MTR: variants seen among roughly 807,000 people sequenced by gnomAD.
MTR encodes the protein methionine synthase.
In MTR, 84 loss-of-function variants were observed where a neutral mutation model predicts 154.8. That is an observed-to-expected ratio of 0.54 (90% CI 0.45 to 0.65). The LOEUF (loss-of-function observed/expected upper bound fraction) is 0.65, where lower values mean the gene tolerates loss of function less well. MTR is among the 30% of genes least tolerant of loss of function. The pLI is 0.00. For synonymous variants in MTR, 554 were observed against 553.9 expected (o/e 1.00, Z 0.00); for missense variants, 1,275 against 1,570.2 (o/e 0.81, Z 3.18).
chr1:236,849,561 G>A (rs908847165), intron 15 of MTR, among the ~76,000 whole-genome samples: 9 of 152,122 alleles, frequency 5.9e-5, no homozygotes, highest in Non-Finnish European at 8.8e-5. Flanking sequence ...GAAAGTTGCT[G>A]AGGGAGGAAC....
At position 236,901,690 on chromosome 1, in the gene MTR, C is replaced by T. The variant is rs1051021042; in HGVS notation, c.*4046C>T. 2 of 152,226 alleles carry T rather than the reference C, an allele frequency of 1.3e-5. No individual in the cohort carries two copies. The highest frequency in any genetic ancestry group is 2.9e-5 in the Non-Finnish European group (2 of 68,110). The allele number at this position is 152,226 out of a possible 1,614,324, so 9.4% of individuals were successfully genotyped here. On this transcript the variant is annotated 3_prime_UTR_variant, in exon 33 of 33. Coordinates refer to ENST00000366577, the MANE Select transcript of MTR (RefSeq NM_000254.3). ...GGGCCCTCTTCTGGGATGCAGCGGC[C>T]AGCTTCTCATGTTCTCACAGTGGGT...
At chr1:236,854,950 G>A (rs1272508864) in intron 18 of MTR, among the ~76,000 whole-genome samples, 1 of 152,188 alleles carries the variant, frequency 6.6e-6, no homozygotes, top group Non-Finnish European at 1.5e-5. Flanking sequence ...CATTCTTAAT[G>A]TAACCACGAG....
At chr1:236,822,050 C>T (rs1053549244) in intron 8 of MTR, among the ~76,000 whole-genome samples, 65 of 152,168 alleles carry the variant, frequency 4.3e-4, no homozygotes, top group African/African-American at 1.5e-3. Context: ...TCTTTTGTCT[C>T]GCCATATAAA....
At chr1:236,872,440 AC>A (rs1243376150) in intron 22 of MTR, among the ~76,000 whole-genome samples, 5 of 152,044 alleles carry the variant, frequency 3.3e-5, no homozygotes, top group African/African-American at 4.8e-5. Flanking sequence ...CGTGTGCAGG[AC>A]CTGACCTCTT....
At chr1:236,856,406 A>G (rs1664204520) in intron 18 of MTR, among the ~76,000 whole-genome samples, 3 of 150,916 alleles carry the variant, frequency 2.0e-5, no homozygotes, top group South Asian at 2.1e-4. Flanking sequence ...TCCAGTTACC[A>G]CTTTGGCCCT....
chr1:236,813,190 C>T (rs1343148082), intron 6 of MTR, among the ~76,000 whole-genome samples: 3 of 152,124 alleles, frequency 2.0e-5, no homozygotes, highest in African/African-American at 7.2e-5. Flanking sequence ...TTCCTAGTCT[C>T]TAGTTATCCA....
At chr1:236,892,676 G>A (rs1355383682) in intron 29 of MTR, among the ~76,000 whole-genome samples, 1 of 152,138 alleles carries the variant, frequency 6.6e-6, no homozygotes, top group Non-Finnish European at 1.5e-5. Flanking sequence ...CTCACTGTAT[G>A]CGCCCAGGCT....
chr1:236,856,240 C>T (rs1252456398), intron 18 of MTR, among the ~76,000 whole-genome samples: 1 of 152,182 alleles, frequency 6.6e-6, no homozygotes, highest in Non-Finnish European at 1.5e-5. Context: ...AGCAAAACTC[C>T]ATCCCCCAGG....
chr1:236,882,766 TTG>T (rs1665817919), intron 25 of MTR, among the ~76,000 whole-genome samples: 1 of 152,326 alleles, frequency 6.6e-6, no homozygotes. Flanking sequence ...GAGTGGGTGT[TTG>T]TGCTCTTTCC....
intron 27 of MTR, among the ~76,000 whole-genome samples, chr1:236,888,519 C>T (rs991717930): frequency 7.9e-5 from 12 of 152,180 alleles, no homozygotes; most frequent in South Asian, 2.1e-4. Flanking sequence ...TTTTAAAAAA[C>T]GAAACAATGC....
chr1:236,828,778 A>T (rs940426199), intron 11 of MTR, among the ~76,000 whole-genome samples: 2 of 151,970 alleles, frequency 1.3e-5, no homozygotes, highest in Non-Finnish European at 2.9e-5. Flanking sequence ...GCCAAAGGTG[A>T]AATCCTTTTT....
chr1:236,861,014 C>G, intron 19 of MTR, 111 bp from the exon 20 acceptor site: 2 of 915,414 alleles, frequency 2.2e-6, no homozygotes, highest in Non-Finnish European at 1.6e-6. Flanking sequence ...GCTTCTGGAA[C>G]CTGTGCTGTT....
At position 236,889,185 on chromosome 1, in the gene MTR, G is replaced by A. The variant is rs1666184035; in HGVS notation, c.2856G>A (p.Lys952=). 1.2e-6 allele frequency: 2 copies of A among 1,614,060 alleles called. No homozygotes were observed. Among genetic ancestry groups the A allele is most frequent in the Non-Finnish European group, 1.7e-6 (2 of 1,180,044 alleles). The change falls in exon 28 of 33, where the codon AAG becomes AAA. Residue 952 remains lysine, a synonymous_variant. Transcript: ENST00000366577. ...MDWLSEPHPV[K]PTFIGTQVFE... ...AACCATACTTCTCTCCTGTAGTGAA[G>A]CCCACGTTTATTGGGACCCAGGTCT...
intron 1 of MTR, among the ~76,000 whole-genome samples, chr1:236,796,029 G>A (rs1660364636): frequency 6.6e-6 from 1 of 150,962 alleles, no homozygotes; most frequent in South Asian, 2.1e-4. Flanking sequence ...AAACTTTCCA[G>A]TTCCACGCAG....
At chr1:236,851,862 A>G (rs186455187) in intron 16 of MTR, among the ~76,000 whole-genome samples, 1 of 152,324 alleles carries the variant, frequency 6.6e-6, no homozygotes, top group Non-Finnish European at 1.5e-5. Flanking sequence ...TAACTATACC[A>G]CAATTAACTG....
chr1:236,835,509 G>C (rs1359968423), intron 13 of MTR, 38 bp from the exon 14 acceptor site: 23 of 1,612,222 alleles, frequency 1.4e-5, no homozygotes, highest in Non-Finnish European at 2.0e-5. Flanking sequence ...CCTAGTAACT[G>C]TCTCCTAATG....
chr1:236,861,889 G>C (rs1286973555), intron 20 of MTR, among the ~76,000 whole-genome samples: 1 of 152,118 alleles, frequency 6.6e-6, no homozygotes, highest in East Asian at 1.9e-4. Flanking sequence ...GAGAAGGCTG[G>C]GAATGAGCTC....
rs180788504 is a variant in MTR at position 236,815,555 on chromosome 1, T to C, written c.610-49T>C. ...TTCTAATCAGGAAGTTAGACTAATC[T>C]TGGACACACTCTCAGAAATAAAGAC... is the stretch of plus-strand genomic sequence containing the variant. On this transcript the variant is annotated intron_variant, in intron 6 of 32. Transcript: ENST00000366577. The C allele has an allele frequency of 5.0e-6, 8 of 1,589,124 alleles. No individual in the cohort carries two copies. The Admixed American group carries it at 1.2e-4, about 23-fold the overall frequency.
In MTR at chr1:236,838,428, C is replaced by T. The variant is rs762315338; in HGVS notation, c.1344C>T (p.Ile448=). Residue 448 remains isoleucine (I), a synonymous_variant, in exon 15 of 33, where the codon ATC becomes ATT. Transcript: ENST00000366577. ...EPDIAKVPLC[I]DSSNFAVIEA... ...TCTGATCTCAGGTACCTTTGTGCAT[C>T]GACTCCTCCAATTTTGCTGTGATTG... 2.7e-5 allele frequency: 44 copies of T among 1,613,926 alleles called. 1 individual carries two copies. The South Asian group carries it at 2.9e-4, about 10-fold the overall frequency.
Sources: gnomAD v4.1 joint callset for allele counts (sites outside exome capture counted in the v4.1 genomes callset) on GRCh38, gnomAD v4.1.1 for gene constraint, MANE v1.5 for transcripts, NCBI Gene and HGNC (gene_info 2026-07-23, HGNC 2026-07-21) for gene names.